Variants in CCDC66 observed in about 807,000 individuals in gnomAD.
CCDC66 encodes the protein coiled-coil domain containing 66, also known as coiled-coil domain-containing protein 66.
In CCDC66, 133 loss-of-function variants were observed where a neutral mutation model predicts 128.3. That is an observed-to-expected ratio of 1.04 (90% CI 0.90 to 1.20). CCDC66 has a LOEUF of 1.20. Ranked by LOEUF, CCDC66 falls within the 50% of genes most tolerant of loss-of-function variation. CCDC66 has a pLI of 0.00. For synonymous variants in CCDC66, 387 were observed against 357.0 expected (o/e 1.08, Z -0.95); for missense variants, 1,126 against 1,075.5 (o/e 1.05, Z -0.66).
chr3:56,599,637 T>C (rs2072787400), intron 10 of CCDC66, among the ~76,000 whole-genome samples: 1 of 152,048 alleles, frequency 6.6e-6, no homozygotes, highest in Non-Finnish European at 1.5e-5. Context: ...TTTCCTTGAC[T>C]GGATGCTTGT....
chr3:56,606,799 A>G (rs555205787), intron 10 of CCDC66, among the ~76,000 whole-genome samples: 117 of 151,618 alleles, frequency 7.7e-4, no homozygotes, highest in South Asian at 4.2e-4. Flanking sequence ...CCCTGAATCC[A>G]TCTTGAGTTG....
intron 7 of CCDC66, among the ~76,000 whole-genome samples, chr3:56,575,629 T>C (rs1476929863): frequency 5.9e-5 from 9 of 151,892 alleles, no homozygotes; most frequent in African/African-American, 2.2e-4. Flanking sequence ...TTGTTGCCTG[T>C]GTTTTTAATG....
chr3:56,617,231 A>G lies in CCDC66; in HGVS notation c.1963A>G (p.Thr655Ala), dbSNP rs2075635664. The G allele has an allele frequency of 6.2e-7, 1 of 1,614,036 alleles. No homozygotes were observed. The highest frequency in any genetic ancestry group is 1.3e-5 in the African/African-American group (1 of 75,032). The change falls in exon 14 of 18, where the codon ACC becomes GCC. Residue 655 changes from threonine to alanine, a missense_variant. Coordinates refer to ENST00000394672, the MANE Select transcript of CCDC66 (RefSeq NM_001141947.3). ...GGCAGAACTTATTGGACAGTTTAGC[A>G]CCAAGAAAAACAAGCAAGAACTAAC... ...ISAELIGQFSTKKNKQELTQD... is the reference protein window; with the variant it reads ...ISAELIGQFSAKKNKQELTQD...
At chr3:56,588,215 CATCTT>C (rs2070167535) in intron 7 of CCDC66, among the ~76,000 whole-genome samples, 2 of 152,188 alleles carry the variant, frequency 1.3e-5, no homozygotes, top group African/African-American at 4.8e-5. Flanking sequence ...GAAAACCAAA[CATCTT>C]ATGTTCTCAC....
chr3:56,575,121 A>T (rs2067181554), intron 7 of CCDC66, among the ~76,000 whole-genome samples: 1 of 151,774 alleles, frequency 6.6e-6, no homozygotes, highest in African/African-American at 2.4e-5. Flanking sequence ...ATTTTTACCA[A>T]TTTTAATTTT....
chr3:56,565,228 T>TTGTA (rs1553660938), intron 4 of CCDC66: 2 of 233,192 alleles, frequency 8.6e-6, no homozygotes, highest in Admixed American at 1.1e-4. Flanking sequence ...ATCAAGATAT[T>TTGTA]TGTATTCCCC....
intron 10 of CCDC66, among the ~76,000 whole-genome samples, chr3:56,598,306 T>C (rs1210063656): frequency 6.6e-6 from 1 of 151,964 alleles, no homozygotes; most frequent in Non-Finnish European, 1.5e-5. Context: ...TACAGGTGTG[T>C]GCCACCATGC....
At position 56,617,206 on chromosome 3, in the gene CCDC66, G is replaced by A. The variant is rs200249325; in HGVS notation, c.1938G>A (p.Ser646=). 32 of 1,613,378 alleles carry A rather than the reference G, an allele frequency of 2.0e-5. No individual in the cohort carries two copies. The Middle Eastern group carries it at 5.0e-4, about 25-fold the overall frequency. Residue 646 remains serine, a synonymous_variant, in exon 14 of 18, where the codon TCG becomes TCA. Transcript: ENST00000394672. ...CAAATTGTTCATCTCCTGAGATTTC[G>A]GCAGAACTTATTGGACAGTTTAGCA... ...DITNCSSPEI[S]AELIGQFSTK... is the part of the protein sequence containing the mutation.
chr3:56,562,082 C>A (rs984417444), intron 3 of CCDC66, among the ~76,000 whole-genome samples: 2 of 150,972 alleles, frequency 1.3e-5, no homozygotes, highest in Non-Finnish European at 2.9e-5. Context: ...CTCTCTTTGT[C>A]CAGGCTGGAG....
intron 7 of CCDC66, among the ~76,000 whole-genome samples, chr3:56,586,529 CAAAAA>C (rs148996363): frequency 1.0e-4 from 13 of 130,630 alleles, no homozygotes; most frequent in South Asian, 2.4e-4. Flanking sequence ...GACTCTTTCT[CAAAAA>C]AAAAAAAAGA....
intron 7 of CCDC66, among the ~76,000 whole-genome samples, chr3:56,580,477 A>G (rs1294143690): frequency 4.0e-5 from 6 of 151,750 alleles, no homozygotes. Context: ...TATTTTGCTC[A>G]TTAGTTGATG....
intron 1 of CCDC66, among the ~76,000 whole-genome samples, chr3:56,558,434 C>T (rs796338664): frequency 1.3e-5 from 2 of 152,166 alleles, no homozygotes; most frequent in South Asian, 4.1e-4. Context: ...GTAGTCATAT[C>T]GATGCTCCAG....
At chr3:56,616,186 G>T in intron 13 of CCDC66, 133 bp downstream of exon 13, 1 of 729,372 alleles carries the variant, frequency 1.4e-6, no homozygotes, top group East Asian at 3.3e-5. Context: ...ACAAAATAAA[G>T]GGATAACAGC....
intron 10 of CCDC66, among the ~76,000 whole-genome samples, chr3:56,613,027 A>T (rs575964799): frequency 1.3e-5 from 2 of 152,256 alleles, no homozygotes; most frequent in South Asian, 4.1e-4. Flanking sequence ...GCTCTTGCAG[A>T]TGGTGAATGT....
chr3:56,621,638 T>C lies in CCDC66; in HGVS notation c.*20T>C. On this transcript the variant is annotated 3_prime_UTR_variant, in exon 18 of 18. Transcript: ENST00000394672. ...TTTTAAATGTAGAAAATCAAATCCT[T>C]CACATTTGATTTGTGTCTTCCAAAT... 1 of 1,515,382 alleles carries C rather than the reference T, an allele frequency of 6.6e-7. No individual in the cohort carries two copies. The highest frequency in any genetic ancestry group is 9.1e-7 in the Non-Finnish European group (1 of 1,100,778). 93.9% of individuals were successfully genotyped at this position (1,515,382 alleles called of 1,614,324 possible).
intron 7 of CCDC66, among the ~76,000 whole-genome samples, chr3:56,580,428 C>T (rs150554902): frequency 0.051 from 7,714 of 151,714 alleles, 330 homozygotes; most frequent in South Asian, 0.16. Context: ...TAATATTGTT[C>T]TGTGTGAATT....
rs780679725 is a variant in CCDC66, at chr3:56,566,939, T to C, written c.711-11T>C. 1 of 1,603,896 alleles carries C rather than the reference T, an allele frequency of 6.2e-7. No individual in the cohort carries two copies. Among genetic ancestry groups the C allele is most frequent in the Non-Finnish European group, 8.5e-7 (1 of 1,172,406 alleles). ...GATACAGTTTCTGTTATCTTTTGTG[T>C]TTTACCTTAGAGAGAATGAATGGAA... is the stretch of plus-strand genomic sequence containing the variant. On this transcript the variant is annotated splice_polypyrimidine_tract_variant and intron_variant, in intron 5 of 17. Coordinates refer to ENST00000394672, the MANE Select transcript of CCDC66 (RefSeq NM_001141947.3).
chr3:56,566,531 A>C (rs1313869003), intron 4 of CCDC66, 63 bp from the exon 5 acceptor site: 5 of 1,089,272 alleles, frequency 4.6e-6, no homozygotes. Context: ...GTATAGCACT[A>C]TGCCAAGTAT....
intron 15 of CCDC66, 38 bp downstream of exon 15, chr3:56,618,250 GCTTT>G (rs763455538): frequency 6.4e-5 from 100 of 1,570,810 alleles, no homozygotes; most frequent in African/African-American, 2.6e-4. Flanking sequence ...GCTACTTAAT[GCTTT>G]CTATGTGGGA....
Sources: allele counts gnomAD v4.1 joint callset (sites outside exome capture counted in the v4.1 genomes callset), GRCh38; gene constraint gnomAD v4.1.1; transcripts MANE v1.5; gene names NCBI Gene and HGNC (gene_info 2026-07-23, HGNC 2026-07-21).